Variants in PCGF2 observed in about 807,000 individuals in gnomAD.
PCGF2 encodes polycomb group ring finger 2.
PCGF2 carries 8 observed loss-of-function variants against 36.1 expected under a neutral mutation model. The ratio of observed to expected loss-of-function variants is 0.22; its 90% CI spans 0.13 to 0.40. The LOEUF is 0.40. PCGF2 is among the 10% of genes least tolerant of loss of function. The pLI is 1.00. For synonymous variants in PCGF2, 198 were observed against 191.2 expected, an observed-to-expected ratio of 1.04 and a Z score of -0.29; for missense variants, 436 against 475.9, an observed-to-expected ratio of 0.92 and a Z score of 0.78.
At chr17:38,744,251 C>T (rs1304194496) in intron 2 of PCGF2, among the ~76,000 whole-genome samples, 1 of 152,246 alleles carries the variant, frequency 6.6e-6, no homozygotes, top group East Asian at 1.9e-4. Context: ...GCTCAGCACC[C>T]AGCATCCAAC....
chr17:38,737,974 A>G (rs974326559), intron 9 of PCGF2, among the ~76,000 whole-genome samples: 7 of 152,130 alleles, frequency 4.6e-5, no homozygotes, highest in Admixed American at 6.6e-5. Flanking sequence ...CATTTTAACA[A>G]GATCTCCAGG....
In PCGF2 at chr17:38,739,273, G is replaced by C. The variant is rs1243669249; in HGVS notation, c.210-20C>G. 6.2e-7 allele frequency: 1 copy of C among 1,611,246 alleles called. No individual in the cohort carries two copies. Among genetic ancestry groups the C allele is most frequent in the Non-Finnish European group, 8.5e-7 (1 of 1,177,798 alleles). ...TCAGACCTGGGGAAAAATGGACAGG[G>C]CTTATCAGCAATGCCTTCTCCAGAG... On this transcript the variant is annotated intron_variant, in intron 4 of 10. Transcript: ENST00000620225. This position sits in a 1 kb window ranked among gnomAD's most constrained non-coding sequence, Gnocchi z 4.0.
rs1907066952 is a variant in PCGF2, at chr17:38,739,974, C to CT, written c.113-293dup. On this transcript the variant is annotated intron_variant, in intron 3 of 10. Coordinates refer to ENST00000620225, the MANE Select transcript of PCGF2 (RefSeq NM_007144.3). This position sits in a 1 kb window ranked among gnomAD's most constrained non-coding sequence, Gnocchi z 4.0. ...AAAAGCCAGCGTGTTCAAGATGCCT[C>CT]TGAGTCCCACCCCCCTGCTGCCAAG... 6.6e-6 allele frequency among the ~76,000 whole-genome samples: 1 copy of CT among 152,172 alleles called. No individual in the cohort carries two copies. The highest frequency in any genetic ancestry group is 2.1e-4 in the South Asian group (1 of 4,828).
In PCGF2 at chr17:38,738,767, G is replaced by A; in HGVS notation, c.411C>T (p.Phe137=). The change falls in exon 7 of 11, where the codon TTC becomes TTT. Residue 137 remains phenylalanine, a synonymous_variant. Coordinates refer to ENST00000620225, the MANE Select transcript of PCGF2 (RefSeq NM_007144.3). ...DDEIVSLSIE[F]YEGARDRDEK... ...GCCAGACTTGCCTGGCACCTTCGTAGAATTCGATGGAGAGGCTGACAATCT... is the reference window on the plus strand; with the variant it reads ...GCCAGACTTGCCTGGCACCTTCGTAAAATTCGATGGAGAGGCTGACAATCT... 1.9e-6 allele frequency: 3 copies of A among 1,613,576 alleles called. No homozygotes were observed. The highest frequency in any genetic ancestry group is 2.5e-6 in the Non-Finnish European group (3 of 1,179,492).
At position 38,739,627 on chromosome 17, in the gene PCGF2, A is replaced by G; in HGVS notation, c.168T>C (p.Cys56=). 2 of 1,614,050 alleles carry G rather than the reference A, an allele frequency of 1.2e-6. No homozygotes were observed. The highest frequency in any genetic ancestry group is 8.5e-7 in the Non-Finnish European group (1 of 1,179,968). Reference sequence around the variant, plus strand: ...GCCGGGTTTTATGGACCTGCACGTCACACATGGGGCAGTATTTGTTGGTCT... The same window carrying G: ...GCCGGGTTTTATGGACCTGCACGTCGCACATGGGGCAGTATTTGTTGGTCT... The part of the protein sequence containing the change: ...YLETNKYCPM[C]DVQVHKTRPL... Residue 56 remains cysteine, a synonymous_variant, in exon 4 of 11, where the codon TGT becomes TGC. Coordinates refer to ENST00000620225, the MANE Select transcript of PCGF2 (RefSeq NM_007144.3). This position sits in a 1 kb window ranked among gnomAD's most constrained non-coding sequence, Gnocchi z 4.0.
intron 2 of PCGF2, among the ~76,000 whole-genome samples, chr17:38,744,059 AC>A (rs1907385535): frequency 1.3e-5 from 2 of 152,038 alleles, no homozygotes; most frequent in Admixed American, 6.5e-5. Flanking sequence ...CTGTGTGTCC[AC>A]CCCTCCCTGG....
At chr17:38,749,632 G>C (rs551506699), upstream of PCGF2, 132 of 455,896 alleles carry the variant, frequency 2.9e-4, no homozygotes, top group East Asian at 2.6e-3. This position sits in a 1 kb window ranked among gnomAD's most constrained non-coding sequence, Gnocchi z 6.5. Flanking sequence ...TGGGAGGCTC[G>C]AGTTAGAAAT....
chr17:38,736,283 C>T (rs1906716039), intron 9 of PCGF2, 113 bp from the exon 10 acceptor site: 5 of 699,864 alleles, frequency 7.1e-6, no homozygotes, highest in Non-Finnish European at 1.3e-5. Context: ...CAGATGGTCC[C>T]TTATTTCTCT....
intron 2 of PCGF2, among the ~76,000 whole-genome samples, chr17:38,745,857 A>G (rs897958951): frequency 3.3e-5 from 5 of 152,160 alleles, no homozygotes; most frequent in African/African-American, 9.7e-5. Context: ...GAGGAGGCAC[A>G]TGTTAATTGC....
intron 2 of PCGF2, among the ~76,000 whole-genome samples, chr17:38,743,772 C>T (rs1598020716): frequency 1.3e-5 from 2 of 152,230 alleles, no homozygotes; most frequent in South Asian, 2.1e-4. Context: ...GCACCCTCTC[C>T]CCATCTCCCC....
upstream of PCGF2, chr17:38,748,338 G>T (rs1907694174): frequency 6.9e-6 from 1 of 144,050 alleles, no homozygotes; most frequent in Admixed American, 7.0e-5. Flanking sequence ...TGTGAAAGCG[G>T]CTTGGGGTGG....
chr17:38,738,313 A>G (rs1906917312), intron 9 of PCGF2, 40 bp downstream of exon 9: 33 of 1,506,278 alleles, frequency 2.2e-5, no homozygotes, highest in Non-Finnish European at 3.0e-5. Context: ...TGACACACCC[A>G]TACACAGACA....
chr17:38,748,775 G>C (rs1907728536), upstream of PCGF2, among the ~76,000 whole-genome samples: 1 of 152,230 alleles, frequency 6.6e-6, no homozygotes, highest in African/African-American at 2.4e-5. Context: ...TAGACCAAAG[G>C]GCGCGGGGCT....
chr17:38,746,185 C>T (rs1248870082), intron 2 of PCGF2, among the ~76,000 whole-genome samples: 1 of 152,060 alleles, frequency 6.6e-6, no homozygotes, highest in Non-Finnish European at 1.5e-5. Flanking sequence ...CTCTCAACTC[C>T]CTAAGATCAA....
At chr17:38,745,356 A>C (rs918550227) in intron 2 of PCGF2, among the ~76,000 whole-genome samples, 1 of 151,964 alleles carries the variant, frequency 6.6e-6, no homozygotes, top group Non-Finnish European at 1.5e-5. Flanking sequence ...AAATACAAAA[A>C]TTAGCGGAGC....
intron 2 of PCGF2, among the ~76,000 whole-genome samples, chr17:38,741,853 C>T (rs11651149): frequency 0.034 from 5,165 of 152,242 alleles, 297 homozygotes; most frequent in African/African-American, 0.12. Context: ...GATGGACAGC[C>T]GCCTGCATGA....
At chr17:38,736,444 C>T (rs2143065956) in intron 9 of PCGF2, among the ~76,000 whole-genome samples, 1 of 152,316 alleles carries the variant, frequency 6.6e-6, no homozygotes, top group South Asian at 2.1e-4. Flanking sequence ...CTATCTCTGG[C>T]AGGTCGCCCA....
chr17:38,746,309 A>C (rs1907531860), intron 2 of PCGF2, among the ~76,000 whole-genome samples: 1 of 148,864 alleles, frequency 6.7e-6, no homozygotes, highest in African/African-American at 2.5e-5. Flanking sequence ...ACACGCCACA[A>C]CCCTCCCCCA....
intron 2 of PCGF2, among the ~76,000 whole-genome samples, chr17:38,747,063 G>A (rs528949593): frequency 3.8e-4 from 58 of 152,248 alleles, no homozygotes; most frequent in African/African-American, 1.4e-3. Context: ...GCAGCATGGG[G>A]GACACTGAGG....
Sources: allele counts gnomAD v4.1 joint callset (sites outside exome capture counted in the v4.1 genomes callset), GRCh38; gene constraint gnomAD v4.1.1; non-coding constraint Gnocchi (gnomAD v3.1); transcripts MANE v1.5; gene names NCBI Gene and HGNC (gene_info 2026-07-23, HGNC 2026-07-21).